Variants in UNC79 observed in about 807,000 individuals in gnomAD.
The protein encoded by UNC79 is protein unc-79 homolog.
In UNC79, 37 loss-of-function variants were observed where a neutral mutation model predicts 283.1. The observed-to-expected ratio is 0.13, with a 90% CI of 0.10 to 0.17. The LOEUF (loss-of-function observed/expected upper bound fraction) is 0.17. UNC79 is among the 10% of genes least tolerant of loss of function. The probability of loss-of-function intolerance (pLI) is 1.00; values close to 1 mark genes in which losing one functional copy is unlikely to be tolerated. For missense variants in UNC79, 2,272 were observed against 3,211.1 expected (o/e 0.71, Z 7.07); for synonymous variants, 1,107 against 1,200.2 (o/e 0.92, Z 1.61).
intron 1 of UNC79, among the ~76,000 whole-genome samples, chr14:93,361,211 C>CAAAAAAAAAAAAAAAAAAAAAAAAAAA (rs58267219): frequency 3.7e-5 from 2 of 54,360 alleles, no homozygotes; most frequent in African/African-American, 7.5e-5. Flanking sequence ...GACTCTGTCT[C>CAAAAAAAAAAAAAAAAAAAAAAAAAAA]AAAAAAAAAA....
rs143129419 is a variant in UNC79, at chr14:93,359,066, G to A, written c.-351+25543G>A. On this transcript the variant is annotated intron_variant, in intron 1 of 49. Transcript: ENST00000256339. ...ATAATGGTGGAAGGAACATAGAGTT[G>A]GATCAGGCTGAATTTATTGATTTGG... Among the ~76,000 whole-genome samples, 11 of 152,298 alleles carry A rather than the reference G, an allele frequency of 7.2e-5. No homozygotes were observed. In the East Asian group the frequency reaches 2.1e-3, roughly 29 times the overall value.
chr14:93,350,042 C>T (rs1313911456), intron 1 of UNC79, among the ~76,000 whole-genome samples: 1 of 152,074 alleles, frequency 6.6e-6, no homozygotes, highest in East Asian at 1.9e-4. Context: ...ATATTTGGGT[C>T]ATTTCTAACT....
chr14:93,555,626 A>G (rs931616254), intron 14 of UNC79, among the ~76,000 whole-genome samples: 1 of 152,158 alleles, frequency 6.6e-6, no homozygotes, highest in Admixed American at 6.5e-5. Flanking sequence ...CTGGTCTCAA[A>G]TTCCTGGCTT....
At chr14:93,402,291 AAAAGAAAAG>A (rs1889273471) in intron 1 of UNC79, among the ~76,000 whole-genome samples, 2 of 117,582 alleles carry the variant, frequency 1.7e-5, no homozygotes, top group African/African-American at 3.1e-5. Flanking sequence ...AAAAAAAAAA[AAAAGAAAAG>A]AAAAGAAAAA....
intron 35 of UNC79, among the ~76,000 whole-genome samples, chr14:93,652,533 T>A (rs1423094508): frequency 6.6e-6 from 1 of 152,246 alleles, no homozygotes; most frequent in African/African-American, 2.4e-5. Flanking sequence ...ATGCTGGGAT[T>A]ACAGGCGATA....
intron 25 of UNC79, among the ~76,000 whole-genome samples, chr14:93,601,545 A>G (rs567748172): frequency 5.9e-5 from 9 of 152,192 alleles, no homozygotes; most frequent in Non-Finnish European, 1.3e-4. Flanking sequence ...TGCAATTGTG[A>G]ATTGTGCTGC....
At chr14:93,701,545 GA>G (rs888262829) in intron 47 of UNC79, among the ~76,000 whole-genome samples, 37 of 151,770 alleles carry the variant, frequency 2.4e-4, no homozygotes, top group African/African-American at 7.7e-4. Flanking sequence ...AGAGGGGGGA[GA>G]AAAAAAAGCC....
At chr14:93,697,458 C>T (rs2075224535) in intron 47 of UNC79, among the ~76,000 whole-genome samples, 2 of 152,098 alleles carry the variant, frequency 1.3e-5, no homozygotes, top group Admixed American at 1.3e-4. Context: ...ATTTTTATAA[C>T]ACACTGTCTG....
chr14:93,459,417 T>A (rs1307643216), intron 1 of UNC79, among the ~76,000 whole-genome samples: 8 of 152,224 alleles, frequency 5.3e-5, no homozygotes, highest in Non-Finnish European at 1.2e-4. Context: ...TAGTCTAATA[T>A]TTTGTCTGCT....
chr14:93,449,844 C>T (rs776612962), intron 1 of UNC79, among the ~76,000 whole-genome samples: 3 of 152,042 alleles, frequency 2.0e-5, no homozygotes, highest in Middle Eastern at 3.4e-3. Context: ...GTATCTAGGG[C>T]GAGTGAGGGG....
At position 93,348,464 on chromosome 14, in the gene UNC79, T is replaced by A. The variant is rs1367893217; in HGVS notation, c.-351+14941T>A. 2.8e-5 allele frequency: 6 copies of A among 214,674 alleles called. No homozygotes were observed. In the East Asian group the frequency reaches 6.9e-4, roughly 25 times the overall value. The allele number at this position is 214,674 out of a possible 1,614,324, so 13.3% of individuals were successfully genotyped here. On this transcript the variant is annotated intron_variant, in intron 1 of 49. Transcript: ENST00000256339. ...CTCAGGGAGTGACATTGTTACTATATGGGAGTGAATGTATCTAGTGACATC... is the reference window on the plus strand; with the variant it reads ...CTCAGGGAGTGACATTGTTACTATAAGGGAGTGAATGTATCTAGTGACATC...
At chr14:93,542,826 A>T in intron 14 of UNC79, 130 bp downstream of exon 14, 1 of 819,046 alleles carries the variant, frequency 1.2e-6, no homozygotes. Flanking sequence ...TAATATAGCT[A>T]AATGAATTTA....
At chr14:93,459,400 T>C (rs2056883278) in intron 1 of UNC79, among the ~76,000 whole-genome samples, 1 of 152,244 alleles carries the variant, frequency 6.6e-6, no homozygotes, top group Non-Finnish European at 1.5e-5. Context: ...TAGTCTAATA[T>C]TCTAAATAGT....
chr14:93,389,683 A>T (rs1355560218), intron 1 of UNC79, among the ~76,000 whole-genome samples: 1 of 149,076 alleles, frequency 6.7e-6, no homozygotes, highest in Non-Finnish European at 1.5e-5. Context: ...ATGGAGTCTC[A>T]CTCTGCCGCC....
intron 7 of UNC79, among the ~76,000 whole-genome samples, chr14:93,505,498 A>G (rs1187912930): frequency 1.3e-5 from 2 of 152,058 alleles, no homozygotes; most frequent in South Asian, 2.1e-4. Context: ...GAGTGTTTGC[A>G]TGGTATAACT....
At chr14:93,574,842 C>T in intron 16 of UNC79, among the ~76,000 whole-genome samples, 1 of 151,250 alleles carries the variant, frequency 6.6e-6, no homozygotes, top group African/African-American at 2.4e-5. Flanking sequence ...ACATGGTGAC[C>T]TATTGGATGC....
chr14:93,600,866 C>T, intron 25 of UNC79, 96 bp downstream of exon 25: 16 of 1,334,930 alleles, frequency 1.2e-5, no homozygotes, highest in African/African-American at 1.5e-5. Context: ...AATTCCTCTA[C>T]AGAGGATGCC....
intron 2 of UNC79, among the ~76,000 whole-genome samples, chr14:93,472,515 T>G (rs1408028673): frequency 3.3e-5 from 5 of 152,084 alleles, no homozygotes; most frequent in Admixed American, 2.6e-4. Flanking sequence ...AAGTATTACA[T>G]AAGTATTCTG....
rs895703756 is a variant in UNC79 at position 93,541,788 on chromosome 14, G to A, written c.1525-678G>A. Among the ~76,000 whole-genome samples the A allele has an allele frequency of 9.2e-5, 14 of 152,176 alleles. No individual in the cohort carries two copies. The South Asian group carries it at 2.9e-3, about 32-fold the overall frequency. ...TGGGAGGCCAAGACGGGCAGATCAC[G>A]AGGTCGGGAGATCGAGACCATCCTG... On this transcript the variant is annotated intron_variant, in intron 13 of 48. Coordinates refer to ENST00000555664, the Ensembl canonical transcript of UNC79.
Sources: gnomAD v4.1 joint callset for allele counts (sites outside exome capture counted in the v4.1 genomes callset) on GRCh38, gnomAD v4.1.1 for gene constraint, MANE v1.5 for transcripts, NCBI Gene and HGNC (gene_info 2026-07-23, HGNC 2026-07-21) for gene names.